MICU1: variants seen among roughly 807,000 people sequenced by gnomAD.
MICU1 encodes the protein mitochondrial calcium uptake 1.
MICU1 carries 45 observed loss-of-function variants against 56.8 expected under a neutral mutation model. The observed-to-expected ratio is 0.79, with a 90% confidence interval of 0.62 to 1.02. The LOEUF (loss-of-function observed/expected upper bound fraction) is 1.02. Ranked by LOEUF, MICU1 falls within the 50% of genes least tolerant of loss-of-function variation. The pLI, the probability that MICU1 is intolerant of heterozygous loss-of-function variation, is 0.00. For synonymous variants in MICU1, 186 were observed against 195.1 expected, an observed-to-expected ratio of 0.95 and a Z score of 0.39; for missense variants, 504 against 587.1, an observed-to-expected ratio of 0.86 and a Z score of 1.46.
chr10:72,514,647 A>T (rs1418600504), intron 5 of MICU1, among the ~76,000 whole-genome samples: 1 of 152,138 alleles, frequency 6.6e-6, no homozygotes, highest in Admixed American at 6.6e-5. Flanking sequence ...AGGGGTAAAA[A>T]TACTCTCCGG....
At chr10:72,512,868 G>C (rs1289320051) in intron 5 of MICU1, among the ~76,000 whole-genome samples, 6 of 151,860 alleles carry the variant, frequency 4.0e-5, no homozygotes, top group Admixed American at 3.9e-4. Context: ...CCATGCTCGG[G>C]TAATTTTTGT....
At chr10:72,426,350 G>A (rs981926641) in intron 8 of MICU1, among the ~76,000 whole-genome samples, 15 of 150,724 alleles carry the variant, frequency 1.0e-4, no homozygotes, top group Non-Finnish European at 1.8e-4. Flanking sequence ...GCACCAACAC[G>A]TTGCTCAAAG....
intron 5 of MICU1, among the ~76,000 whole-genome samples, chr10:72,525,821 G>A (rs148231255): frequency 2.2e-4 from 33 of 152,186 alleles, no homozygotes; most frequent in African/African-American, 7.2e-4. Context: ...AGGTTAACTG[G>A]TCTCTTGCTC....
intron 6 of MICU1, among the ~76,000 whole-genome samples, chr10:72,495,800 C>T (rs1463150432): frequency 6.6e-6 from 1 of 151,718 alleles, no homozygotes; most frequent in Non-Finnish European, 1.5e-5. Flanking sequence ...AGTGTTCAAA[C>T]AGAAAAATTT....
intron 10 of MICU1, among the ~76,000 whole-genome samples, chr10:72,391,602 C>T (rs1354936925): frequency 2.0e-5 from 3 of 151,976 alleles, no homozygotes; most frequent in Admixed American, 2.0e-4. Context: ...ATTTAAAGTA[C>T]AGTTGGCCCT....
chr10:72,400,467 C>T (rs761759043), intron 10 of MICU1, among the ~76,000 whole-genome samples: 26 of 151,998 alleles, frequency 1.7e-4, no homozygotes, highest in Admixed American at 5.9e-4. Context: ...GATGACTGGC[C>T]GGGCGTGGTG....
At chr10:72,480,787 C>T (rs74889171) in intron 6 of MICU1, among the ~76,000 whole-genome samples, 4,158 of 152,320 alleles carry the variant, frequency 0.027, 183 homozygotes, top group African/African-American at 0.096. Context: ...TGTAGTCTTA[C>T]TGTCTTGTGA....
chr10:72,607,702 G>C (rs1032014029), intron 1 of MICU1, among the ~76,000 whole-genome samples: 6 of 151,704 alleles, frequency 4.0e-5, no homozygotes, highest in Non-Finnish European at 7.4e-5. Context: ...AGTCCTGTGA[G>C]CTGCTGTAGC....
chr10:72,500,316 T>A (rs1289808057), intron 6 of MICU1, among the ~76,000 whole-genome samples: 20 of 86,260 alleles, frequency 2.3e-4, no homozygotes, highest in African/African-American at 9.8e-4. Context: ...TTTTTTTTTT[T>A]TTTTTTTTTT....
At chr10:72,491,656 T>C (rs1248452825) in intron 6 of MICU1, among the ~76,000 whole-genome samples, 2 of 152,188 alleles carry the variant, frequency 1.3e-5, no homozygotes, top group African/African-American at 4.8e-5. Context: ...CGAGAGTTAA[T>C]GTAACTAATC....
intron 1 of MICU1, among the ~76,000 whole-genome samples, chr10:72,613,466 C>T (rs1050838095): frequency 1.3e-4 from 20 of 151,380 alleles, no homozygotes; most frequent in East Asian, 3.9e-4. Context: ...TTGTAGAGCC[C>T]AGGTCCCATT....
At chr10:72,530,321 G>A (rs1363253173) in intron 5 of MICU1, among the ~76,000 whole-genome samples, 4 of 90,594 alleles carry the variant, frequency 4.4e-5, no homozygotes, top group African/African-American at 6.7e-5. Flanking sequence ...TGACAGGAGC[G>A]AAACTCCATA....
chr10:72,399,028 A>C (rs1401226860), intron 10 of MICU1, among the ~76,000 whole-genome samples: 1 of 152,222 alleles, frequency 6.6e-6, no homozygotes, highest in Non-Finnish European at 1.5e-5. Flanking sequence ...GATGAACATC[A>C]ATGGGAAAAT....
chr10:72,439,900 G>A (rs1864861875), intron 8 of MICU1, among the ~76,000 whole-genome samples: 1 of 152,118 alleles, frequency 6.6e-6, no homozygotes, highest in Admixed American at 6.6e-5. Context: ...AATAAAGGAG[G>A]ACACAAACAA....
intron 1 of MICU1, among the ~76,000 whole-genome samples, chr10:72,572,850 C>T (rs1311389083): frequency 6.6e-6 from 1 of 152,054 alleles, no homozygotes; most frequent in Admixed American, 6.6e-5. Flanking sequence ...TACTGATGAA[C>T]ATGCAAATCT....
chr10:72,464,295 C>CAAAAAAA (rs58499998), intron 8 of MICU1, among the ~76,000 whole-genome samples: 1 of 100,016 alleles, frequency 1.0e-5, no homozygotes, highest in African/African-American at 4.5e-5. Context: ...GATTCTGTCT[C>CAAAAAAA]AAAAAAAAAA....
At position 72,526,850 on chromosome 10, in the gene MICU1, C is replaced by A. The variant is rs76462852; in HGVS notation, c.537+6896G>T. On this transcript the variant is annotated intron_variant, in intron 5 of 11. Transcript: ENST00000361114. Reference sequence around the variant, plus strand: ...ACTACCTTACCTAATACTGTTTGCTCAAAAAAAAACCTTGATTATAATCAG... The same window carrying A: ...ACTACCTTACCTAATACTGTTTGCTAAAAAAAAAACCTTGATTATAATCAG... 7.6e-3 allele frequency among the ~76,000 whole-genome samples: 1,009 copies of A among 132,728 alleles called. 18 individuals are homozygous for A. The highest frequency in any genetic ancestry group is 0.063 in the East Asian group (257 of 4,108). 87.1% of individuals were successfully genotyped at this position (132,728 alleles called of 152,430 possible).
intron 2 of MICU1, among the ~76,000 whole-genome samples, chr10:72,565,779 AC>A (rs1267022860): frequency 6.6e-6 from 1 of 151,996 alleles, no homozygotes; most frequent in Non-Finnish European, 1.5e-5. Flanking sequence ...ATGCCACTAC[AC>A]TCCAGCCTGG....
At chr10:72,517,029 T>C (rs974870046) in intron 5 of MICU1, among the ~76,000 whole-genome samples, 8 of 152,182 alleles carry the variant, frequency 5.3e-5, no homozygotes, top group Non-Finnish European at 1.0e-4. Flanking sequence ...CTGAGGAAGA[T>C]TCTTAAAAAA....
Sources: allele counts gnomAD v4.1 joint callset (sites outside exome capture counted in the v4.1 genomes callset), GRCh38; gene constraint gnomAD v4.1.1; transcripts MANE v1.5; gene names NCBI Gene and HGNC (gene_info 2026-07-23, HGNC 2026-07-21).